Variants in SLC22A23 observed in about 807,000 individuals in gnomAD.
SLC22A23 encodes ion transporter protein.
Under a neutral mutation model 61.0 loss-of-function variants are expected in SLC22A23, and 26 were observed. The ratio of observed to expected loss-of-function variants is 0.43; its 90% CI spans 0.31 to 0.59. The LOEUF (loss-of-function observed/expected upper bound fraction) is 0.59. Among genes scored for constraint, SLC22A23 ranks in the 20% least tolerant of loss-of-function variants. The pLI is 0.11. For synonymous variants in SLC22A23, 430 were observed against 413.9 expected, an observed-to-expected ratio of 1.04 and a Z score of -0.47; for missense variants, 796 against 934.7, an observed-to-expected ratio of 0.85 and a Z score of 1.94.
chr6:3,370,349 G>A lies in SLC22A23; in HGVS notation c.913+39839C>T, dbSNP rs995406725. ...TCTTTGAGGAATTGCGAGGCTCACC[G>A]GGGCAGTGGGGGTGCATGTGCCTTC... On this transcript the variant is annotated intron_variant, in intron 3 of 9. Transcript: ENST00000406686. Among the ~76,000 whole-genome samples the A allele has an allele frequency of 9.2e-5, 14 of 152,372 alleles. 1 individual carries two copies. The South Asian group carries it at 2.3e-3, about 25-fold the overall frequency.
At chr6:3,422,209 G>A (rs1223825332) in intron 1 of SLC22A23, among the ~76,000 whole-genome samples, 1 of 152,140 alleles carries the variant, frequency 6.6e-6, no homozygotes, top group Admixed American at 6.5e-5. Flanking sequence ...GAGAAATGTA[G>A]GGTCAGCATT....
rs1763163193 is a variant in SLC22A23 at position 3,324,472 on chromosome 6, C to A, written c.914-470G>T. On this transcript the variant is annotated intron_variant, in intron 3 of 9. Transcript: ENST00000406686. This position sits in a 1 kb window ranked among gnomAD's most constrained non-coding sequence, Gnocchi z 4.3. ...GGCATGCCCATATACTCACTCCTAC[C>A]CATATGCACCACCCACCCCTTCTTC... Among the ~76,000 whole-genome samples, 1 of 152,164 alleles carries A rather than the reference C, an allele frequency of 6.6e-6. No individual in the cohort carries two copies. The highest frequency in any genetic ancestry group is 1.5e-5 in the Non-Finnish European group (1 of 68,034).
At chr6:3,326,271 A>G (rs538971193) in intron 3 of SLC22A23, among the ~76,000 whole-genome samples, 80 of 152,322 alleles carry the variant, frequency 5.3e-4, no homozygotes, top group African/African-American at 1.9e-3. Flanking sequence ...AGGTTGTCTC[A>G]ATCCTCTCCT....
chr6:3,292,996 A>T (rs1404000568), intron 5 of SLC22A23, among the ~76,000 whole-genome samples: 1 of 152,212 alleles, frequency 6.6e-6, no homozygotes, highest in Non-Finnish European at 1.5e-5. Flanking sequence ...ACATTTGGCC[A>T]TCTGGTGTGA....
At chr6:3,298,396 C>T (rs1761300782) in intron 4 of SLC22A23, among the ~76,000 whole-genome samples, 178 bp from the exon 5 acceptor site, 1 of 152,072 alleles carries the variant, frequency 6.6e-6, no homozygotes, top group African/African-American at 2.4e-5. Flanking sequence ...TTTTCTTTTC[C>T]AAAGAGTAAA....
rs1014115968 is a variant in SLC22A23 at position 3,270,474 on chromosome 6, C to G, written c.*2581G>C. On this transcript the variant is annotated 3_prime_UTR_variant, in exon 10 of 10. Coordinates refer to ENST00000406686, the MANE Select transcript of SLC22A23 (RefSeq NM_015482.2). Reference sequence around the variant, plus strand: ...TGTTGCTCAACAGCTTCAGGTATCCCTAGGCTGAAGCTGCCACCAAACAGG... The same window carrying G: ...TGTTGCTCAACAGCTTCAGGTATCCGTAGGCTGAAGCTGCCACCAAACAGG... 3.3e-5 allele frequency: 5 copies of G among 152,366 alleles called. No homozygotes were observed. Among genetic ancestry groups the G allele is most frequent in the Non-Finnish European group, 5.9e-5 (4 of 68,056 alleles). The allele number at this position is 152,366 out of a possible 1,614,324, so 9.4% of individuals were successfully genotyped here.
chr6:3,376,729 T>C (rs1357547976), intron 3 of SLC22A23, among the ~76,000 whole-genome samples: 1 of 152,142 alleles, frequency 6.6e-6, no homozygotes, highest in African/African-American at 2.4e-5. Flanking sequence ...CAGACAATTA[T>C]CTCGTAGACT....
At chr6:3,315,195 C>T (rs549699893) in intron 4 of SLC22A23, among the ~76,000 whole-genome samples, 3 of 151,642 alleles carry the variant, frequency 2.0e-5, no homozygotes, top group African/African-American at 7.2e-5. Context: ...ACACTCACTT[C>T]CTGCAGGGTT....
At chr6:3,284,713 C>T (rs1347216562) in intron 8 of SLC22A23, among the ~76,000 whole-genome samples, 1 of 152,214 alleles carries the variant, frequency 6.6e-6, no homozygotes, top group African/African-American at 2.4e-5. Context: ...CTTCCCCTGG[C>T]AGCACAGACA....
intron 3 of SLC22A23, among the ~76,000 whole-genome samples, chr6:3,350,039 G>A (rs1315116989): frequency 6.6e-6 from 1 of 152,212 alleles, no homozygotes; most frequent in Non-Finnish European, 1.5e-5. Flanking sequence ...TGGTGGATGA[G>A]TAGGACCATG....
In SLC22A23 at chr6:3,288,132, G is replaced by T. The variant is rs563818113; in HGVS notation, c.1314-1041C>A. ...AGGCGTGGCTGCACCCTCCCACGGA[G>T]GCTGCTGATGGCCATCCATGGGGTG... On this transcript the variant is annotated intron_variant, in intron 6 of 9. Coordinates refer to ENST00000406686, the MANE Select transcript of SLC22A23 (RefSeq NM_015482.2). Among the ~76,000 whole-genome samples, 14 of 152,338 alleles carry T rather than the reference G, an allele frequency of 9.2e-5. No individual in the cohort carries two copies. The East Asian group carries it at 2.5e-3, about 27-fold the overall frequency.
intron 3 of SLC22A23, among the ~76,000 whole-genome samples, chr6:3,391,643 A>T (rs911345700): frequency 6.6e-6 from 1 of 152,154 alleles, no homozygotes; most frequent in Non-Finnish European, 1.5e-5. Context: ...AACAATAAGG[A>T]CCCTGCTTTC....
intron 1 of SLC22A23, among the ~76,000 whole-genome samples, chr6:3,453,544 G>A (rs1772251347): frequency 6.6e-6 from 1 of 152,144 alleles, no homozygotes; most frequent in Non-Finnish European, 1.5e-5. Context: ...TAGGTGCTAG[G>A]ATACCAGCAG....
intron 2 of SLC22A23, among the ~76,000 whole-genome samples, chr6:3,411,876 C>A (rs937371514): frequency 6.6e-6 from 1 of 152,214 alleles, no homozygotes; most frequent in Non-Finnish European, 1.5e-5. Context: ...CCCTTACCAG[C>A]AAAGACTGTG....
chr6:3,365,568 G>A (rs921375004), intron 3 of SLC22A23, among the ~76,000 whole-genome samples: 18 of 152,106 alleles, frequency 1.2e-4, no homozygotes, highest in African/African-American at 4.8e-5. Context: ...TGATGCCCTT[G>A]CGTAGCACAG....
At position 3,331,347 on chromosome 6, in the gene SLC22A23, C is replaced by T. The variant is rs78968616; in HGVS notation, c.914-7345G>A. ...AGAGCCTAGGACTGTGCCTGACACA[C>T]ACCAGAAGCTCAGATACTTGTCGCA... On this transcript the variant is annotated intron_variant, in intron 3 of 9. Coordinates refer to ENST00000406686, the MANE Select transcript of SLC22A23 (RefSeq NM_015482.2). Among the ~76,000 whole-genome samples the T allele has an allele frequency of 8.5e-5, 13 of 152,360 alleles. No homozygotes were observed. The East Asian group carries it at 2.3e-3, about 27-fold the overall frequency.
At position 3,336,626 on chromosome 6, in the gene SLC22A23, T is replaced by A. The variant is rs557776123; in HGVS notation, c.914-12624A>T. On this transcript the variant is annotated intron_variant, in intron 3 of 9. Transcript: ENST00000406686. The stretch of plus-strand genomic sequence containing the variant: ...TGAAAAGGAAAACCACTCTGTCACC[T>A]GTGTCCTTCCTAACGTCTAGCATTG... Among the ~76,000 whole-genome samples the A allele has an allele frequency of 3.9e-5, 6 of 152,348 alleles. No individual in the cohort carries two copies. In the South Asian group the frequency reaches 1.2e-3, roughly 32 times the overall value.
chr6:3,360,324 G>A lies in SLC22A23; in HGVS notation c.914-36322C>T, dbSNP rs1263088995. Among the ~76,000 whole-genome samples, 1 of 152,150 alleles carries A rather than the reference G, an allele frequency of 6.6e-6. No individual in the cohort carries two copies. Among genetic ancestry groups the A allele is most frequent in the Non-Finnish European group, 1.5e-5 (1 of 68,024 alleles). ...TCCAAATAAAACAACAACAAAAAAG[G>A]CAAGTCCGTAGTATTGGCCTTTGAG... On this transcript the variant is annotated intron_variant, in intron 3 of 9. Coordinates refer to ENST00000406686, the MANE Select transcript of SLC22A23 (RefSeq NM_015482.2). This position sits in a 1 kb window ranked among gnomAD's most constrained non-coding sequence, Gnocchi z 4.6.
At chr6:3,450,462 A>G (rs1561634432) in intron 1 of SLC22A23, among the ~76,000 whole-genome samples, 1 of 152,088 alleles carries the variant, frequency 6.6e-6, no homozygotes, top group Non-Finnish European at 1.5e-5. Flanking sequence ...GTAAACCACC[A>G]TGCCCGGCTA....
Sources: gnomAD v4.1 joint callset for allele counts (sites outside exome capture counted in the v4.1 genomes callset) on GRCh38, gnomAD v4.1.1 for gene constraint, Gnocchi (gnomAD v3.1) non-coding constraint, MANE v1.5 for transcripts, NCBI Gene and HGNC (gene_info 2026-07-23, HGNC 2026-07-21) for gene names.